The following CTNND2 variants were observed in gnomAD, a reference collection of about 807,000 sequenced individuals.
CTNND2 encodes the protein catenin delta-2.
CTNND2 carries 22 observed loss-of-function variants against 144.4 expected under a neutral mutation model. The observed-to-expected ratio is 0.15, with a 90% CI of 0.11 to 0.22. The LOEUF (loss-of-function observed/expected upper bound fraction) is 0.22, where lower values mean the gene tolerates loss of function less well. Ranked by LOEUF, CTNND2 falls within the 10% of genes least tolerant of loss-of-function variation. CTNND2 has a pLI of 1.00. For synonymous variants in CTNND2, 751 were observed against 695.6 expected (o/e 1.08, Z -1.25); for missense variants, 1,353 against 1,618.8 (o/e 0.84, Z 2.82).
chr5:11,382,547 G>A (rs948347698), intron 7 of CTNND2, among the ~76,000 whole-genome samples: 4 of 151,654 alleles, frequency 2.6e-5, no homozygotes, highest in Non-Finnish European at 5.9e-5. Context: ...GCAGTGAGCC[G>A]AGATCGCACC....
intron 1 of CTNND2, among the ~76,000 whole-genome samples, chr5:11,823,731 G>A (rs940562218): frequency 1.2e-4 from 18 of 152,042 alleles, no homozygotes; most frequent in Admixed American, 6.6e-4. Flanking sequence ...ATATCATATT[G>A]TACAGTAGTA....
chr5:11,161,527 T>C (rs1285726250), intron 11 of CTNND2, among the ~76,000 whole-genome samples: 3 of 152,202 alleles, frequency 2.0e-5, no homozygotes, highest in Non-Finnish European at 2.9e-5. Context: ...TTGCCAAAGT[T>C]TGGTAATCTA....
In CTNND2 at chr5:10,991,212, C is replaced by T. The variant is rs1450159556; in HGVS notation, c.3211+1339G>A. Among the ~76,000 whole-genome samples the T allele has an allele frequency of 2.0e-5, 3 of 152,184 alleles. No homozygotes were observed. In the East Asian group the frequency reaches 5.8e-4, roughly 29 times the overall value. On this transcript the variant is annotated intron_variant, in intron 19 of 21. Transcript: ENST00000304623. ...TTATTTCAGTCAGATATTGGCCATT[C>T]ATTTCTCATCATGTTGACAGTAAAG...
At chr5:11,059,865 T>C (rs77430752) in intron 16 of CTNND2, among the ~76,000 whole-genome samples, 3,571 of 152,216 alleles carry the variant, frequency 0.023, 151 homozygotes, top group African/African-American at 0.082. Context: ...TATGTGTATA[T>C]ATATAGATAT....
chr5:11,647,163 T>G lies in CTNND2; in HGVS notation c.175-82107A>C, dbSNP rs1282380958. ...TTCTTTGCTCTCTTCCTCTTTCAGCTGGACTCCATGGTGTATTTAAAAACT... is the reference window on the plus strand; with the variant it reads ...TTCTTTGCTCTCTTCCTCTTTCAGCGGGACTCCATGGTGTATTTAAAAACT... On this transcript the variant is annotated intron_variant, in intron 2 of 21. Transcript: ENST00000304623. Among the ~76,000 whole-genome samples, 3 of 152,154 alleles carry G rather than the reference T, an allele frequency of 2.0e-5. No homozygotes were observed. The East Asian group carries it at 5.8e-4, about 29-fold the overall frequency.
chr5:11,140,758 C>T (rs2149734171), intron 12 of CTNND2, among the ~76,000 whole-genome samples: 1 of 152,074 alleles, frequency 6.6e-6, no homozygotes, highest in Admixed American at 6.5e-5. Flanking sequence ...TAGGAGAAGC[C>T]ATCTGTGTAT....
At chr5:11,228,170 C>T (rs746492850) in intron 10 of CTNND2, among the ~76,000 whole-genome samples, 2 of 151,500 alleles carry the variant, frequency 1.3e-5, no homozygotes, top group East Asian at 2.0e-4. Flanking sequence ...GGTGAAAACC[C>T]GTCTCTACTA....
At chr5:11,458,205 T>A (rs78033380) in intron 3 of CTNND2, among the ~76,000 whole-genome samples, 6,839 of 152,174 alleles carry the variant, frequency 0.045, 526 homozygotes, top group African/African-American at 0.16. Flanking sequence ...ACACCCTAAG[T>A]TTTGCTTACT....
At chr5:11,797,500 A>G (rs775716786) in intron 1 of CTNND2, among the ~76,000 whole-genome samples, 6 of 152,134 alleles carry the variant, frequency 3.9e-5, no homozygotes, top group Admixed American at 6.5e-5. Context: ...TTTATAGAGT[A>G]ACCAAGTGTA....
intron 10 of CTNND2, among the ~76,000 whole-genome samples, chr5:11,205,897 C>T (rs1737992008): frequency 6.6e-6 from 1 of 152,112 alleles, no homozygotes; most frequent in Admixed American, 6.6e-5. Context: ...GACCTAGGTT[C>T]AAATCAAATC....
chr5:11,403,073 A>G (rs1760766730), intron 5 of CTNND2, among the ~76,000 whole-genome samples: 2 of 152,132 alleles, frequency 1.3e-5, no homozygotes, highest in Non-Finnish European at 1.5e-5. Context: ...TCTGGGATAC[A>G]TGTGCAGAAT....
At chr5:11,701,009 G>A (rs1785408212) in intron 2 of CTNND2, among the ~76,000 whole-genome samples, 1 of 152,178 alleles carries the variant, frequency 6.6e-6, no homozygotes, top group Admixed American at 6.5e-5. Context: ...TCAAAGGGCA[G>A]TTATTTTATT....
intron 9 of CTNND2, among the ~76,000 whole-genome samples, chr5:11,256,056 G>A (rs1233664069): frequency 1.3e-5 from 2 of 152,120 alleles, no homozygotes; most frequent in Non-Finnish European, 2.9e-5. Context: ...TATACTCCTT[G>A]TGCCTGTGTG....
At chr5:11,188,771 G>C (rs1404676853) in intron 11 of CTNND2, among the ~76,000 whole-genome samples, 1 of 152,160 alleles carries the variant, frequency 6.6e-6, no homozygotes, top group African/African-American at 2.4e-5. Flanking sequence ...GGTTTCTGAA[G>C]ACTCTATGGG....
At chr5:11,441,877 C>T (rs1016954293) in intron 3 of CTNND2, among the ~76,000 whole-genome samples, 7 of 152,236 alleles carry the variant, frequency 4.6e-5, no homozygotes, top group Non-Finnish European at 8.8e-5. Flanking sequence ...AGCATAAACC[C>T]GTGCCTTAAT....
chr5:11,215,930 G>A (rs568534886), intron 10 of CTNND2, among the ~76,000 whole-genome samples: 5 of 152,320 alleles, frequency 3.3e-5, no homozygotes, highest in Admixed American at 3.3e-4. Context: ...TTCAAAAGGG[G>A]ATTTTCATAA....
chr5:11,266,696 C>A (rs1745469569), intron 9 of CTNND2, among the ~76,000 whole-genome samples: 1 of 152,172 alleles, frequency 6.6e-6, no homozygotes, highest in East Asian at 1.9e-4. Flanking sequence ...CAATTCAATT[C>A]AGACTGCAAG....
Position 11,099,523 on chromosome 5 carries a change from T to C in CTNND2, c.2464-775A>G, listed in dbSNP as rs541239863. On this transcript the variant is annotated intron_variant, in intron 14 of 21. Coordinates refer to ENST00000304623, the MANE Select transcript of CTNND2 (RefSeq NM_001332.4). ...TAGCAACTTGGACAAATTATAACAA[T>C]AAAAGTTAAATGAGCAAAGCAGGAT... is the stretch of plus-strand genomic sequence containing the variant. Among the ~76,000 whole-genome samples, 5 of 152,282 alleles carry C rather than the reference T, an allele frequency of 3.3e-5. 1 individual carries two copies. The South Asian group carries it at 1.0e-3, about 32-fold the overall frequency.
intron 18 of CTNND2, 142 bp downstream of exon 18, chr5:11,017,832 C>T: frequency 1.5e-6 from 1 of 656,306 alleles, no homozygotes. Flanking sequence ...CACATTGCCT[C>T]TTTTCTGGCT....
Sources: gnomAD v4.1 joint callset for allele counts (sites outside exome capture counted in the v4.1 genomes callset) on GRCh38, gnomAD v4.1.1 for gene constraint, MANE v1.5 for transcripts, NCBI Gene and HGNC (gene_info 2026-07-23, HGNC 2026-07-21) for gene names.